The following ANXA5 variants were observed in gnomAD, a reference collection of about 807,000 sequenced individuals.
ANXA5 encodes the protein annexin A5.
Under a neutral mutation model 48.1 loss-of-function variants are expected in ANXA5, and 40 were observed. That is an observed-to-expected ratio of 0.83 (90% CI 0.65 to 1.08). The LOEUF (loss-of-function observed/expected upper bound fraction) is 1.08, where lower values mean the gene tolerates loss of function less well. Among genes scored for constraint, ANXA5 ranks in the 50% least tolerant of loss-of-function variants. The probability of loss-of-function intolerance (pLI) is 0.00; values close to 1 mark genes in which losing one functional copy is unlikely to be tolerated. For synonymous variants in ANXA5, 113 were observed against 129.1 expected, an observed-to-expected ratio of 0.88 and a Z score of 0.85; for missense variants, 357 against 376.8, an observed-to-expected ratio of 0.95 and a Z score of 0.44.
Position 121,686,204 on chromosome 4 carries a change from T to C in ANXA5, c.94+84A>G, listed in dbSNP as rs1243729473. 3 of 1,037,866 alleles carry C rather than the reference T, an allele frequency of 2.9e-6. No individual in the cohort carries two copies. In the East Asian group the frequency reaches 7.3e-5, roughly 25 times the overall value. 64.3% of individuals were successfully genotyped at this position (1,037,866 alleles called of 1,614,324 possible). ...TCCTACAGATTTCAGATCAAAATAT[T>C]CTAAAATTATTCTTACTGTAATTAA... On this transcript the variant is annotated intron_variant, in intron 3 of 12. Transcript: ENST00000296511.
chr4:121,678,497 G>A lies in ANXA5; in HGVS notation c.395-3C>T. 1 of 1,611,444 alleles carries A rather than the reference G, an allele frequency of 6.2e-7. No individual in the cohort carries two copies. The highest frequency in any genetic ancestry group is 8.5e-7 in the Non-Finnish European group (1 of 1,178,498). On this transcript the variant is annotated splice_region_variant and splice_polypyrimidine_tract_variant and intron_variant, in intron 6 of 12. Transcript: ENST00000296511. ...ATCTTCCAGGCTTGAGCCATATTCT[G>A]CAACAAAATAATTTCATACTTATTT...
intron 2 of ANXA5, among the ~76,000 whole-genome samples, chr4:121,688,865 A>G (rs932454291): frequency 7.9e-5 from 12 of 152,138 alleles, no homozygotes; most frequent in Non-Finnish European, 1.6e-4. Flanking sequence ...CCAACTAGGA[A>G]AAGGGGAAGG....
At chr4:121,675,385 A>G (rs35635288) in intron 8 of ANXA5, among the ~76,000 whole-genome samples, 34,636 of 152,156 alleles carry the variant, frequency 0.23, 4,391 homozygotes, top group Non-Finnish European at 0.29. Flanking sequence ...AAGAAATCTC[A>G]AATTCTCACT....
chr4:121,687,159 G>T (rs988288432), intron 2 of ANXA5, among the ~76,000 whole-genome samples: 4 of 151,982 alleles, frequency 2.6e-5, no homozygotes, highest in Admixed American at 1.3e-4. Flanking sequence ...AATTAACCGG[G>T]TGTGGTGGCA....
chr4:121,679,541 T>A (rs1221384239), intron 6 of ANXA5, among the ~76,000 whole-genome samples: 1 of 152,066 alleles, frequency 6.6e-6, no homozygotes, highest in Non-Finnish European at 1.5e-5. Flanking sequence ...TGCAAAACCA[T>A]CTATATCTGA....
rs1724614420 is a variant in ANXA5, at chr4:121,671,621, A to G, written c.647T>C (p.Ile216Thr). Reference protein sequence around the residue: ...LRKVFDKYMTISGFQIEETID... With the variant: ...LRKVFDKYMTTSGFQIEETID... ...GGTTTCCTCAATTTGAAATCCTGAT[A>G]TAGTCATGTACTTGTCAAACACTAG... Residue 216 changes from isoleucine (I) to threonine (T), a missense_variant, in exon 10 of 13, where the codon ATA (isoleucine) becomes ACA (threonine). By Grantham distance (89) the Ile-to-Thr change is moderately conservative. Coordinates refer to ENST00000296511, the MANE Select transcript of ANXA5 (RefSeq NM_001154.4). 2 of 1,612,508 alleles carry G rather than the reference A, an allele frequency of 1.2e-6. No individual in the cohort carries two copies. Among genetic ancestry groups the G allele is most frequent in the Admixed American group, 1.7e-5 (1 of 60,016 alleles).
Position 121,671,866 on chromosome 4 carries a change from A to C in ANXA5, c.626-224T>G, listed in dbSNP as rs192715280. On this transcript the variant is annotated intron_variant, in intron 9 of 12. Coordinates refer to ENST00000296511, the MANE Select transcript of ANXA5 (RefSeq NM_001154.4). ...CCCCTTACGAGTTATAGCCAATGAG[A>C]CCTAAAGGTAAATCTACTGGAGGGG... Among the ~76,000 whole-genome samples the C allele has an allele frequency of 3.0e-4, 46 of 152,266 alleles. 1 individual carries two copies. Among genetic ancestry groups the C allele is most frequent in the Non-Finnish European group, 4.4e-5 (3 of 68,010 alleles).
chr4:121,681,832 G>C, intron 5 of ANXA5, 71 bp from the exon 6 acceptor site: 1 of 1,079,644 alleles, frequency 9.3e-7, no homozygotes, highest in East Asian at 2.4e-5. Flanking sequence ...GAAAGTTATA[G>C]ATGTTACCCA....
chr4:121,693,151 T>A (rs765242845), intron 2 of ANXA5, among the ~76,000 whole-genome samples: 7 of 152,024 alleles, frequency 4.6e-5, no homozygotes, highest in Non-Finnish European at 1.0e-4. Context: ...AGAGAATCAG[T>A]TGAACCCAGG....
chr4:121,687,948 C>T (rs1036875500), intron 2 of ANXA5, among the ~76,000 whole-genome samples: 1 of 152,110 alleles, frequency 6.6e-6, no homozygotes, highest in South Asian at 2.1e-4. Context: ...TGTTATGAAC[C>T]GAATATCTGT....
At chr4:121,677,812 A>G (rs554180227) in intron 8 of ANXA5, 82 bp downstream of exon 8, 29 of 1,194,394 alleles carry the variant, frequency 2.4e-5, no homozygotes, top group East Asian at 2.3e-5. Context: ...CTATTACAAC[A>G]TACATTGTGA....
chr4:121,688,299 T>A (rs1400314787), intron 2 of ANXA5, among the ~76,000 whole-genome samples: 1 of 152,132 alleles, frequency 6.6e-6, no homozygotes, highest in Non-Finnish European at 1.5e-5. Context: ...ACCCTCTATA[T>A]CTGATCAATT....
Position 121,686,425 on chromosome 4 carries a change from T to C in ANXA5, c.10-53A>G, listed in dbSNP as rs1417279287. The C allele has an allele frequency of 3.9e-5, 51 of 1,322,254 alleles. No homozygotes were observed. In the Middle Eastern group the frequency reaches 5.5e-4, roughly 14 times the overall value. 81.9% of individuals were successfully genotyped at this position (1,322,254 alleles called of 1,614,324 possible). A position where few individuals can be genotyped will look rare whatever the true frequency, so the allele number is the denominator to read the frequency against. On this transcript the variant is annotated intron_variant, in intron 2 of 12. Transcript: ENST00000296511. ...TCATATCATGACTAATATGACAAAG[T>C]AAATAACACAAACAGGAAGCCGCTT... is the stretch of plus-strand genomic sequence containing the variant.
chr4:121,690,130 G>A (rs6857766), intron 2 of ANXA5, among the ~76,000 whole-genome samples: 34,315 of 152,122 alleles, frequency 0.23, 4,168 homozygotes, highest in African/African-American at 0.32. Context: ...CGTGCACAGA[G>A]CTTCACATAG....
At position 121,668,171 on chromosome 4, in the gene ANXA5, TA is replaced by T; in HGVS notation, c.*296del. ...ACAAATGTAATATAAATGGAGTTTTTAAAAAAGGCTAAAAGCACTCTAGCCT... is the reference window on the plus strand; with the variant it reads ...ACAAATGTAATATAAATGGAGTTTTTAAAAAGGCTAAAAGCACTCTAGCCT... On this transcript the variant is annotated 3_prime_UTR_variant, in exon 13 of 13. Transcript: ENST00000296511. 1 of 232,074 alleles carries T rather than the reference TA, an allele frequency of 4.3e-6. No individual in the cohort carries two copies. The allele number at this position is 232,074 out of a possible 1,614,324, so 14.4% of individuals were successfully genotyped here.
chr4:121,692,062 G>A (rs1341668881), intron 2 of ANXA5, among the ~76,000 whole-genome samples: 3 of 152,102 alleles, frequency 2.0e-5, no homozygotes, highest in African/African-American at 4.8e-5. Context: ...CGTTAAACTC[G>A]AACTGGCCTA....
At chr4:121,674,973 A>G (rs990420136) in intron 8 of ANXA5, among the ~76,000 whole-genome samples, 4 of 152,178 alleles carry the variant, frequency 2.6e-5, no homozygotes, top group African/African-American at 9.7e-5. Flanking sequence ...GCCTCAGTGT[A>G]TATAGTCATT....
intron 2 of ANXA5, among the ~76,000 whole-genome samples, chr4:121,690,174 G>A (rs1157329389): frequency 2.0e-5 from 3 of 152,180 alleles, no homozygotes; most frequent in African/African-American, 7.2e-5. Flanking sequence ...TACAGACAAA[G>A]AAACATACTG....
chr4:121,678,384 A>T, intron 7 of ANXA5, 31 bp downstream of exon 7: 1 of 1,587,360 alleles, frequency 6.3e-7, no homozygotes, highest in South Asian at 1.1e-5. Context: ...CAGGCTTTTT[A>T]ATCAAACTGT....
Sources: gnomAD v4.1 joint callset for allele counts (sites outside exome capture counted in the v4.1 genomes callset) on GRCh38, gnomAD v4.1.1 for gene constraint, MANE v1.5 for transcripts, NCBI Gene and HGNC (gene_info 2026-07-23, HGNC 2026-07-21) for gene names.